Variants in WDR35 observed in about 807,000 individuals in gnomAD.
WDR35 encodes WD repeat domain 35, also known as WD repeat-containing protein 35.
In WDR35, 118 loss-of-function variants were observed where a neutral mutation model predicts 158.3. That is an observed-to-expected ratio of 0.75 (90% CI 0.64 to 0.87). The LOEUF is 0.87. Ranked by LOEUF, WDR35 falls within the 40% of genes least tolerant of loss-of-function variation. The probability of loss-of-function intolerance (pLI) is 0.00; values close to 1 mark genes in which losing one functional copy is unlikely to be tolerated. For missense variants in WDR35, 1,263 were observed against 1,405.8 expected (o/e 0.90, Z 1.62); for synonymous variants, 448 against 476.1 (o/e 0.94, Z 0.77).
Position 19,951,443 on chromosome 2 carries a change from C to T in WDR35, c.1442G>A (p.Gly481Asp), listed in dbSNP as rs1299283934. 4.3e-6 allele frequency: 7 copies of T among 1,611,430 alleles called. No individual in the cohort carries two copies. Among genetic ancestry groups the T allele is most frequent in the Non-Finnish European group, 5.9e-6 (7 of 1,178,654 alleles). Reference protein sequence around the residue: ...VDDTPSGSMDGVLDYSKTIQG... With the variant: ...VDDTPSGSMDDVLDYSKTIQG... ...AATGGTTTTACTATAATCAAGCACA[C>T]CATCCATTGATCCAGAAGGGGTATC... Residue 481 changes from glycine (G) to aspartate (D), a missense_variant, in exon 13 of 27, where the codon GGT becomes GAT. Coordinates refer to ENST00000281405, the MANE Select transcript of WDR35 (RefSeq NM_020779.4).
chr2:19,982,321 C>A, intron 3 of WDR35, 142 bp downstream of exon 3: 1 of 816,434 alleles, frequency 1.2e-6, no homozygotes. Flanking sequence ...TTTATTGGAA[C>A]ATATCCCCAT....
At position 19,930,443 on chromosome 2, in the gene WDR35, G is replaced by C. The variant is rs1288954420; in HGVS notation, c.3074C>G (p.Ala1025Gly). ...ACATCCCTCATAGAGCTGCCTCTGT[G>C]CAAGTATAAAGAAGTGGTAAGCCTC... ...GAEAYHFFIL[A>G]QRQLYEGCVD... is the part of the protein sequence containing the mutation. The change falls in exon 25 of 27, where the codon GCA becomes GGA. Residue 1025 changes from alanine (A) to glycine (G), a missense_variant. Transcript: ENST00000281405. 6.2e-7 allele frequency: 1 copy of C among 1,614,102 alleles called. No homozygotes were observed. The highest frequency in any genetic ancestry group is 1.3e-5 in the African/African-American group (1 of 75,022).
intron 8 of WDR35, among the ~76,000 whole-genome samples, chr2:19,970,542 C>T (rs1672006230): frequency 6.6e-6 from 1 of 152,188 alleles, no homozygotes; most frequent in African/African-American, 2.4e-5. Flanking sequence ...CTAATCATAA[C>T]CTACCCTGCT....
intron 10 of WDR35, among the ~76,000 whole-genome samples, chr2:19,961,524 G>A (rs146745164): frequency 2.6e-5 from 4 of 152,136 alleles, no homozygotes; most frequent in African/African-American, 7.2e-5. Context: ...TTTCAAACAG[G>A]TGGTATCAAG....
At chr2:19,972,568 T>C (rs1016482037) in intron 8 of WDR35, among the ~76,000 whole-genome samples, 1 of 152,100 alleles carries the variant, frequency 6.6e-6, no homozygotes, top group African/African-American at 2.4e-5. Flanking sequence ...CTTTTTTTTT[T>C]CCTTCACTTT....
chr2:19,919,380 C>CAAA (rs1302042752), intron 25 of WDR35, among the ~76,000 whole-genome samples: 21 of 47,830 alleles, frequency 4.4e-4, no homozygotes, highest in Non-Finnish European at 5.6e-4. Flanking sequence ...GGCTCCATCT[C>CAAA]AAAAAAAAAA....
In WDR35 at chr2:19,914,793, C is replaced by T. The variant is rs540836001; in HGVS notation, c.3122-516G>A. On this transcript the variant is annotated intron_variant, in intron 25 of 26. Coordinates refer to ENST00000281405, the MANE Select transcript of WDR35 (RefSeq NM_020779.4). ...ATTACTGCTTTTGTCATTTGTCTCA[C>T]TGAAACAATAGGATTTTGTGAAAAA... is the stretch of plus-strand genomic sequence containing the variant. Among the ~76,000 whole-genome samples the T allele has an allele frequency of 6.6e-5, 10 of 152,236 alleles. No individual in the cohort carries two copies. The South Asian group carries it at 8.3e-4, about 13-fold the overall frequency.
chr2:19,940,159 C>T (rs1670824139), intron 17 of WDR35, among the ~76,000 whole-genome samples: 1 of 148,722 alleles, frequency 6.7e-6, no homozygotes, highest in Non-Finnish European at 1.5e-5. Flanking sequence ...TCAAGACCAC[C>T]CTTGACCAAC....
intron 13 of WDR35, among the ~76,000 whole-genome samples, chr2:19,951,143 A>G (rs1172037774): frequency 6.6e-6 from 1 of 152,152 alleles, no homozygotes; most frequent in African/African-American, 2.4e-5. Context: ...GGAAGGTGTG[A>G]GGAGGAGAGG....
intron 12 of WDR35, among the ~76,000 whole-genome samples, chr2:19,952,781 CTTTT>C (rs773596785): frequency 1.0e-4 from 9 of 86,288 alleles, no homozygotes; most frequent in Admixed American, 6.1e-4. Flanking sequence ...ACTCAACATA[CTTTT>C]TTTTTTTTTT....
intron 25 of WDR35, 82 bp from the exon 26 acceptor site, chr2:19,914,359 G>A (rs1292231698): frequency 6.3e-7 from 1 of 1,579,680 alleles, no homozygotes; most frequent in Non-Finnish European, 8.7e-7. Flanking sequence ...CTAAGTTAAG[G>A]TGATTTCATT....
intron 17 of WDR35, among the ~76,000 whole-genome samples, chr2:19,940,565 T>A (rs1350299938): frequency 6.6e-6 from 1 of 152,110 alleles, no homozygotes; most frequent in African/African-American, 2.4e-5. Flanking sequence ...TAATCCTAGG[T>A]AATAACAGCC....
intron 25 of WDR35, among the ~76,000 whole-genome samples, chr2:19,921,570 A>G (rs1670169267): frequency 6.6e-6 from 1 of 152,196 alleles, no homozygotes; most frequent in Non-Finnish European, 1.5e-5. Flanking sequence ...CTTATACAAA[A>G]ATTAACTCAA....
Position 19,935,546 on chromosome 2 carries a change from A to T in WDR35, c.2472T>A (p.Cys824Ter), listed in dbSNP as rs773105573. The T allele has an allele frequency of 6.2e-7, 1 of 1,613,276 alleles. No individual in the cohort carries two copies. Among genetic ancestry groups the T allele is most frequent in the South Asian group, 1.1e-5 (1 of 91,034 alleles). The change falls in exon 21 of 27, where the codon TGT becomes TGA. Residue 824 changes from cysteine (C) to a stop codon, truncating the protein, a stop_gained. Transcript: ENST00000281405. LOFTEE classifies it high-confidence loss of function. ...CTTCATAATCCTCTAACATATAGTA[A>T]CATTCAGCTAAGCGTTCCTGGTTCC... The part of the protein sequence containing the change: ...QGRNQERLAE[C>*]YYMLEDYEGL...
At chr2:19,982,059 G>A (rs1470525339) in intron 3 of WDR35, among the ~76,000 whole-genome samples, 1 of 152,198 alleles carries the variant, frequency 6.6e-6, no homozygotes, top group African/African-American at 2.4e-5. Context: ...ACTTTTCGGT[G>A]ATGGGAATGC....
At chr2:19,947,430 T>C (rs940133204) in intron 14 of WDR35, among the ~76,000 whole-genome samples, 3 of 152,210 alleles carry the variant, frequency 2.0e-5, no homozygotes, top group Non-Finnish European at 4.4e-5. Flanking sequence ...ATATATACTA[T>C]TAAGGTTTTG....
At chr2:19,937,706 T>C (rs551697652) in intron 19 of WDR35, 37 bp downstream of exon 19, 13 of 1,612,602 alleles carry the variant, frequency 8.1e-6, no homozygotes, top group South Asian at 7.7e-5. Flanking sequence ...GATGAACTGA[T>C]AGAGTACTCA....
chr2:19,952,780 A>ACTTTT (rs1230992132), intron 12 of WDR35, among the ~76,000 whole-genome samples: 10 of 116,530 alleles, frequency 8.6e-5, no homozygotes, highest in African/African-American at 3.3e-4. Flanking sequence ...TACTCAACAT[A>ACTTTT]CTTTTTTTTT....
In WDR35 at chr2:19,933,452, C is replaced by G. The variant is rs757309390; in HGVS notation, c.2607G>C (p.Leu869Phe). The G allele has an allele frequency of 6.2e-6, 10 of 1,613,848 alleles. No individual in the cohort carries two copies. Among genetic ancestry groups the G allele is most frequent in the Non-Finnish European group, 8.5e-6 (10 of 1,179,946 alleles). ...CTGCTGCCTTTGGTTGACTACATTT[C>G]AAAAATGCAGTCACTGCTTGTTCAC... ...GMCEQAVTAF[L>F]KCSQPKAAVD... Residue 869 changes from leucine to phenylalanine, a missense_variant, in exon 22 of 27, where the codon TTG (leucine) becomes TTC (phenylalanine). Coordinates refer to ENST00000281405, the MANE Select transcript of WDR35 (RefSeq NM_020779.4).
Sources: allele counts gnomAD v4.1 joint callset (sites outside exome capture counted in the v4.1 genomes callset), GRCh38; gene constraint gnomAD v4.1.1; transcripts MANE v1.5; gene names NCBI Gene and HGNC (gene_info 2026-07-23, HGNC 2026-07-21).